Variants in SORCS1 observed in about 807,000 individuals in gnomAD.
SORCS1 encodes the protein sortilin related VPS10 domain containing receptor 1, also known as VPS10 domain-containing receptor SorCS1.
In SORCS1, 60 loss-of-function variants were observed where a neutral mutation model predicts 146.1. The ratio of observed to expected loss-of-function variants is 0.41; its 90% CI spans 0.33 to 0.51. The LOEUF (loss-of-function observed/expected upper bound fraction) is 0.51. Ranked by LOEUF, SORCS1 falls within the 20% of genes least tolerant of loss-of-function variation. The probability of loss-of-function intolerance (pLI) is 0.21; values close to 1 mark genes in which losing one functional copy is unlikely to be tolerated. For synonymous variants in SORCS1, 637 were observed against 584.0 expected, an observed-to-expected ratio of 1.09 and a Z score of -1.31; for missense variants, 1,352 against 1,487.6, an observed-to-expected ratio of 0.91 and a Z score of 1.50.
chr10:106,729,964 C>G, intron 6 of SORCS1, 86 bp downstream of exon 6: 1 of 1,490,654 alleles, frequency 6.7e-7, no homozygotes, highest in Non-Finnish European at 9.4e-7. Flanking sequence ...CTGCATACAC[C>G]ATGAGATTAT....
chr10:106,967,126 A>T (rs77067903), intron 1 of SORCS1, among the ~76,000 whole-genome samples: 1 of 151,244 alleles, frequency 6.6e-6, no homozygotes, highest in Non-Finnish European at 1.5e-5. Context: ...AAAAAAAAAA[A>T]ATGCACTCCC....
chr10:107,000,522 G>A (rs1445600903), intron 1 of SORCS1, among the ~76,000 whole-genome samples: 1 of 151,542 alleles, frequency 6.6e-6, no homozygotes, highest in African/African-American at 2.4e-5. Context: ...CAGGGGAATC[G>A]CTTGAACCTG....
intron 21 of SORCS1, among the ~76,000 whole-genome samples, chr10:106,617,524 TTCAA>T (rs1242435003): frequency 6.6e-6 from 1 of 152,336 alleles, no homozygotes; most frequent in African/African-American, 2.4e-5. Context: ...ATTTCCAGTT[TTCAA>T]TCAATGACTC....
intron 17 of SORCS1, among the ~76,000 whole-genome samples, chr10:106,654,682 C>T (rs907107134): frequency 6.6e-6 from 1 of 152,184 alleles, no homozygotes; most frequent in Admixed American, 6.5e-5. Context: ...CACTTACCAA[C>T]CCAGCTATGC....
Position 106,679,691 on chromosome 10 carries a change from G to C in SORCS1, c.1604C>G (p.Pro535Arg), listed in dbSNP as rs1030985133. The C allele has an allele frequency of 3.7e-6, 6 of 1,612,368 alleles. No individual in the cohort carries two copies. Among genetic ancestry groups the C allele is most frequent in the Non-Finnish European group, 5.1e-6 (6 of 1,179,238 alleles). Residue 535 changes from proline to arginine, a missense_variant, in exon 11 of 26, where the codon CCC becomes CGC. Pro to Arg is a moderately radical substitution (Grantham distance 103, BLOSUM62 -2). Around this residue, in one of 3 missense-constraint regions of SORCS1, gnomAD observed 648 missense variants for 793.8 expected, o/e 0.82. Coordinates refer to ENST00000263054, the MANE Select transcript of SORCS1 (RefSeq NM_052918.5). The part of the protein sequence containing the change: ...LHLHLKVSEN[P>R]YTSGIIASKD... ...GCTGGCAATGATCCCTGATGTGTAGGGATTCTCAGAGACCTTCAGGTGAAG... is the reference window on the plus strand; with the variant it reads ...GCTGGCAATGATCCCTGATGTGTAGCGATTCTCAGAGACCTTCAGGTGAAG...
chr10:106,932,738 G>C (rs192953728), intron 2 of SORCS1, among the ~76,000 whole-genome samples: 2 of 152,310 alleles, frequency 1.3e-5, no homozygotes, highest in African/African-American at 2.4e-5. Context: ...CCTTCAAGGT[G>C]AGCACTCCCC....
At position 107,060,449 on chromosome 10, in the gene SORCS1, C is replaced by G. The variant is rs1039435142; in HGVS notation, c.558+103520G>C. Reference sequence around the variant, plus strand: ...TTTTATTGTCATGTACTTAGTGAAGCCTCAGACGTAGCAAACCTAAAAATG... The same window carrying G: ...TTTTATTGTCATGTACTTAGTGAAGGCTCAGACGTAGCAAACCTAAAAATG... On this transcript the variant is annotated intron_variant, in intron 1 of 25. Transcript: ENST00000263054. This position sits in a 1 kb window ranked among gnomAD's most constrained non-coding sequence, Gnocchi z 4.1. Among the ~76,000 whole-genome samples the G allele has an allele frequency of 3.9e-5, 6 of 151,930 alleles. No homozygotes were observed. Among genetic ancestry groups the G allele is most frequent in the Non-Finnish European group, 8.8e-5 (6 of 68,014 alleles).
chr10:106,823,643 G>A (rs1465465493), intron 3 of SORCS1, among the ~76,000 whole-genome samples: 1 of 152,210 alleles, frequency 6.6e-6, no homozygotes, highest in African/African-American at 2.4e-5. Flanking sequence ...TCTAAAGGGA[G>A]TATTAGACAT....
chr10:107,056,652 C>T (rs1055728714), intron 1 of SORCS1, among the ~76,000 whole-genome samples: 17 of 152,202 alleles, frequency 1.1e-4, no homozygotes, highest in Admixed American at 5.2e-4. Context: ...CTCTTTCTCA[C>T]TCAACCACTT....
chr10:107,046,910 G>A (rs1959515932), intron 1 of SORCS1, among the ~76,000 whole-genome samples: 1 of 152,178 alleles, frequency 6.6e-6, no homozygotes, highest in South Asian at 2.1e-4. Flanking sequence ...CATGATGGTG[G>A]CTACATATTT....
chr10:106,773,054 G>A (rs556666004), intron 4 of SORCS1, among the ~76,000 whole-genome samples: 1 of 152,114 alleles, frequency 6.6e-6, no homozygotes, highest in South Asian at 2.1e-4. Context: ...GAAAAGAGGA[G>A]GACCCTGTTC....
intron 2 of SORCS1, among the ~76,000 whole-genome samples, chr10:106,863,072 CCAAA>C (rs142682410): frequency 0.018 from 2,752 of 152,040 alleles, 78 homozygotes; most frequent in East Asian, 0.11. Context: ...TGATTTCCCC[CCAAA>C]CAAACAAACA....
At chr10:106,878,646 A>ATATATATATATATT (rs1200849744) in intron 2 of SORCS1, among the ~76,000 whole-genome samples, 2,027 of 117,722 alleles carry the variant, frequency 0.017, 116 homozygotes, top group Non-Finnish European at 0.025. Context: ...ATATATATAT[A>ATATATATATATATT]TATTTTATAG....
chr10:107,095,038 C>T (rs1590123495), intron 1 of SORCS1, among the ~76,000 whole-genome samples: 1 of 152,138 alleles, frequency 6.6e-6, no homozygotes, highest in East Asian at 1.9e-4. Flanking sequence ...ATGTAAAAAT[C>T]CCCCCTGGCC....
At chr10:106,780,543 A>G (rs1216328406) in intron 3 of SORCS1, among the ~76,000 whole-genome samples, 1 of 152,200 alleles carries the variant, frequency 6.6e-6, no homozygotes, top group Non-Finnish European at 1.5e-5. Context: ...ATACTGTTGT[A>G]AATGAATAAA....
At chr10:106,816,058 T>C (rs1947728981) in intron 3 of SORCS1, among the ~76,000 whole-genome samples, 1 of 152,234 alleles carries the variant, frequency 6.6e-6, no homozygotes, top group African/African-American at 2.4e-5. Flanking sequence ...ATTATGGCCA[T>C]TTCTACCAAA....
At chr10:106,805,112 G>T (rs1947097295) in intron 3 of SORCS1, among the ~76,000 whole-genome samples, 1 of 152,072 alleles carries the variant, frequency 6.6e-6, no homozygotes, top group South Asian at 2.1e-4. Flanking sequence ...GACTTGAAAA[G>T]GTATTTTATC....
At chr10:107,030,532 C>T (rs1333183305) in intron 1 of SORCS1, among the ~76,000 whole-genome samples, 1 of 152,104 alleles carries the variant, frequency 6.6e-6, no homozygotes, top group African/African-American at 2.4e-5. Context: ...CAGGTGTAGG[C>T]ACATATTCAT....
chr10:106,598,270 T>C (rs1202597075), intron 23 of SORCS1, among the ~76,000 whole-genome samples: 3 of 145,794 alleles, frequency 2.1e-5, no homozygotes, highest in Non-Finnish European at 4.5e-5. Flanking sequence ...TTATTATTAT[T>C]ATTATTATTT....
Sources: gnomAD v4.1 joint callset for allele counts (sites outside exome capture counted in the v4.1 genomes callset) on GRCh38, gnomAD v4.1.1 for gene constraint, gnomAD v4.1.1 regional missense constraint, Gnocchi (gnomAD v3.1) non-coding constraint, MANE v1.5 for transcripts, NCBI Gene and HGNC (gene_info 2026-07-23, HGNC 2026-07-21) for gene names.